LY96: variants seen among roughly 807,000 people sequenced by gnomAD.
LY96 encodes lymphocyte antigen 96, also known as myeloid differentiation protein-2.
In LY96, 18 loss-of-function variants were observed where a neutral mutation model predicts 18.9. That is an observed-to-expected ratio of 0.95 (90% confidence interval 0.66 to 1.41). The LOEUF is 1.41. LY96 is among the 40% of genes most tolerant of loss of function. The pLI is 0.00. For missense variants in LY96, 175 were observed against 182.4 expected (o/e 0.96, Z 0.23); for synonymous variants, 66 against 62.6 (o/e 1.06, Z -0.26).
chr8:73,993,360 C>T (rs371075172), intron 1 of LY96, among the ~76,000 whole-genome samples: 56 of 152,190 alleles, frequency 3.7e-4, no homozygotes, highest in African/African-American at 1.3e-3. Flanking sequence ...ACTGCAACCT[C>T]CACCTCCCTG....
At chr8:74,091,902 G>A in the LY96 span, among the ~76,000 whole-genome samples, 3 of 152,196 alleles carry the variant, frequency 2.0e-5, no homozygotes, top group South Asian at 4.1e-4. Flanking sequence ...TTGTTGATTC[G>A]GCAAATGCAT....
At chr8:74,010,596 C>T (rs544877943) in intron 3 of LY96, among the ~76,000 whole-genome samples, 265 of 152,198 alleles carry the variant, frequency 1.7e-3, no homozygotes, top group Middle Eastern at 0.01. Flanking sequence ...TTTAACCTTT[C>T]TTGGCCTCAT....
the LY96 span, among the ~76,000 whole-genome samples, chr8:74,090,312 C>T: frequency 6.6e-6 from 1 of 152,118 alleles, no homozygotes; most frequent in Non-Finnish European, 1.5e-5. Context: ...TCTATTGCCA[C>T]ACACAAGATC....
the LY96 span, among the ~76,000 whole-genome samples, chr8:74,052,884 C>T: frequency 1.3e-5 from 2 of 152,128 alleles, no homozygotes; most frequent in African/African-American, 4.8e-5. Context: ...TTACATTTAC[C>T]ATGTGGGAAT....
the LY96 span, among the ~76,000 whole-genome samples, chr8:74,095,429 G>T: frequency 6.6e-6 from 1 of 152,114 alleles, no homozygotes; most frequent in African/African-American, 2.4e-5. Context: ...TTTAATGCCA[G>T]CCACGGTGCC....
intron 3 of LY96, among the ~76,000 whole-genome samples, chr8:74,020,079 G>T (rs1260437880): frequency 6.6e-6 from 1 of 152,054 alleles, no homozygotes; most frequent in African/African-American, 2.4e-5. Flanking sequence ...GGACAATAAG[G>T]CAAGGGAAAG....
chr8:74,089,350 A>G, the LY96 span, among the ~76,000 whole-genome samples: 1 of 152,232 alleles, frequency 6.6e-6, no homozygotes, highest in Admixed American at 6.5e-5. Context: ...TTATCCAAAA[A>G]TTATGAAGGA....
chr8:73,998,346 A>G (rs1455637716), intron 1 of LY96, among the ~76,000 whole-genome samples: 1 of 152,098 alleles, frequency 6.6e-6, no homozygotes, highest in Non-Finnish European at 1.5e-5. Context: ...CAAATTCTGT[A>G]CACATTTTAT....
the LY96 span, among the ~76,000 whole-genome samples, chr8:74,096,491 A>C: frequency 6.6e-5 from 10 of 152,128 alleles, no homozygotes; most frequent in Admixed American, 6.5e-4. Context: ...CCTCACTTAA[A>C]ATCTCTGATG....
chr8:74,020,556 T>C (rs1816737989), intron 3 of LY96, among the ~76,000 whole-genome samples: 1 of 152,130 alleles, frequency 6.6e-6, no homozygotes, highest in African/African-American at 2.4e-5. Context: ...CTTCACAGAA[T>C]TGGAGAAAAC....
intron 3 of LY96, among the ~76,000 whole-genome samples, chr8:74,024,298 C>G (rs1286540050): frequency 6.6e-6 from 1 of 150,972 alleles, no homozygotes; most frequent in Non-Finnish European, 1.5e-5. Context: ...TAAATACTCT[C>G]AAAGAAACAA....
At chr8:74,097,381 G>A in the LY96 span, among the ~76,000 whole-genome samples, 3 of 152,236 alleles carry the variant, frequency 2.0e-5, no homozygotes, top group African/African-American at 7.2e-5. Flanking sequence ...TGTAACAGTA[G>A]TAGTGTTATT....
the LY96 span, among the ~76,000 whole-genome samples, chr8:74,096,188 A>G: frequency 6.6e-6 from 1 of 152,172 alleles, no homozygotes; most frequent in South Asian, 2.1e-4. Flanking sequence ...GGATTCTTGC[A>G]GTTGCCTTTT....
At chr8:73,993,254 T>C (rs1816047896) in intron 1 of LY96, among the ~76,000 whole-genome samples, 2 of 152,128 alleles carry the variant, frequency 1.3e-5, no homozygotes, top group South Asian at 4.1e-4. Flanking sequence ...TTTGTCTTTT[T>C]AAAACATTTC....
At chr8:74,067,676 G>A in the LY96 span, among the ~76,000 whole-genome samples, 1 of 152,204 alleles carries the variant, frequency 6.6e-6, no homozygotes, top group Non-Finnish European at 1.5e-5. Flanking sequence ...TATGGCAATG[G>A]TGAGGGAGAT....
the LY96 span, among the ~76,000 whole-genome samples, chr8:74,089,930 G>T: frequency 6.6e-6 from 1 of 151,948 alleles, no homozygotes; most frequent in Admixed American, 6.6e-5. Context: ...GTTTGAGAAA[G>T]AGTGGGGAGG....
At chr8:74,070,149 T>C in the LY96 span, among the ~76,000 whole-genome samples, 2 of 151,882 alleles carry the variant, frequency 1.3e-5, no homozygotes, top group African/African-American at 4.8e-5. Context: ...TAGAGTGCAG[T>C]GGCGCGATCT....
chr8:74,086,513 CT>C, the LY96 span, among the ~76,000 whole-genome samples: 1 of 152,198 alleles, frequency 6.6e-6, no homozygotes, highest in Non-Finnish European at 1.5e-5. Context: ...GCTTTTCCTT[CT>C]GTAAAAGTCA....
At chr8:74,019,236 A>G (rs1186656890) in intron 3 of LY96, among the ~76,000 whole-genome samples, 1 of 152,198 alleles carries the variant, frequency 6.6e-6, no homozygotes, top group Admixed American at 6.5e-5. Flanking sequence ...GATAAAGGGG[A>G]TATCACCACC....
Sources: gnomAD v4.1 joint callset for allele counts (sites outside exome capture counted in the v4.1 genomes callset) on GRCh38, gnomAD v4.1.1 for gene constraint, MANE v1.5 for transcripts, NCBI Gene and HGNC (gene_info 2026-07-23, HGNC 2026-07-21) for gene names.